PRMT1: variants seen among roughly 807,000 people sequenced by gnomAD.
PRMT1 encodes protein arginine N-methyltransferase 1.
Under a neutral mutation model 47.4 loss-of-function variants are expected in PRMT1, and 5 were observed. That is an observed-to-expected ratio of 0.11 (90% CI 0.06 to 0.22). PRMT1 has a LOEUF of 0.22. PRMT1 is among the 10% of genes least tolerant of loss of function. The pLI, the probability that PRMT1 is intolerant of heterozygous loss-of-function variation, is 1.00. For missense variants in PRMT1, 249 were observed against 518.4 expected, an observed-to-expected ratio of 0.48 and a Z score of 5.05; for synonymous variants, 227 against 204.6, an observed-to-expected ratio of 1.11 and a Z score of -0.94.
chr19:49,681,935 C>T lies in PRMT1; in HGVS notation c.218C>T (p.Thr73Ile). Residue 73 changes from threonine to isoleucine, a missense_variant, in exon 4 of 11, where the codon ACC becomes ATC. By Grantham distance (89) the Thr-to-Ile change is moderately conservative (BLOSUM62 -1). Around this residue, in one of 2 missense-constraint regions of PRMT1, gnomAD observed 190 missense variants for 456.7 expected, o/e 0.42. Transcript: ENST00000454376. This position sits in a 1 kb window ranked among gnomAD's most constrained non-coding sequence, Gnocchi z 4.4. ...GAGATGCTGAAGGACGAGGTGCGCA[C>T]CCTCACTTACCGCAACTCCATGTTT... ...HEEMLKDEVR[T>I]LTYRNSMFHN... 6.2e-7 allele frequency: 1 copy of T among 1,614,124 alleles called. No homozygotes were observed. The highest frequency in any genetic ancestry group is 8.5e-7 in the Non-Finnish European group (1 of 1,180,018).
chr19:49,683,867 G>T, intron 5 of PRMT1, 60 bp from the exon 6 acceptor site: 1 of 1,571,966 alleles, frequency 6.4e-7, no homozygotes, highest in Non-Finnish European at 8.6e-7. Context: ...GCCCCCGGGG[G>T]AGGTGAGGTG....
Position 49,685,261 on chromosome 19 carries a change from G to T in PRMT1, c.759+224G>T. The T allele has an allele frequency of 6.8e-7, 1 of 1,464,320 alleles. No individual in the cohort carries two copies. Among genetic ancestry groups the T allele is most frequent in the Non-Finnish European group, 9.0e-7 (1 of 1,107,412 alleles). The allele number at this position is 1,464,320 out of a possible 1,614,324, so 90.7% of individuals were successfully genotyped here. Reference sequence around the variant, plus strand: ...CCATGCTTGGCACTTGGCTTCTGGCGGAGGAAACACCCAAAGCTGGCAGCT... The same window carrying T: ...CCATGCTTGGCACTTGGCTTCTGGCTGAGGAAACACCCAAAGCTGGCAGCT... On this transcript the variant is annotated intron_variant, in intron 8 of 10. Transcript: ENST00000454376. This position sits in a 1 kb window ranked among gnomAD's most constrained non-coding sequence, Gnocchi z 4.7.
At chr19:49,679,790 G>A (rs1260354830) in intron 1 of PRMT1, 82 bp from the exon 2 acceptor site, 19 of 806,294 alleles carry the variant, frequency 2.4e-5, no homozygotes, top group Middle Eastern at 2.7e-4. Context: ...CCCACCCCCC[G>A]GCCAGAGCCC....
chr19:49,685,058 A>C lies in PRMT1; in HGVS notation c.759+21A>C, dbSNP rs534347741. On this transcript the variant is annotated intron_variant, in intron 8 of 10. Coordinates refer to ENST00000454376, the MANE Select transcript of PRMT1 (RefSeq NM_001536.6). This position sits in a 1 kb window ranked among gnomAD's most constrained non-coding sequence, Gnocchi z 4.7. ...TAAAGGTGAGGGGGTGGGCATGGCC[A>C]GGTGCCCCCTGGGTTGAAACCAAAG... 489 of 1,614,020 alleles carry C rather than the reference A, an allele frequency of 3.0e-4. 2 individuals carry two copies. Among genetic ancestry groups the C allele is most frequent in the South Asian group, 6.7e-4 (61 of 91,068 alleles).
At chr19:49,687,135 G>A (rs2082219828) in intron 10 of PRMT1, among the ~76,000 whole-genome samples, 1 of 152,144 alleles carries the variant, frequency 6.6e-6, no homozygotes, top group South Asian at 2.1e-4. Flanking sequence ...AGAGTGCACG[G>A]GGTTTTCTAG....
At position 49,684,217 on chromosome 19, in the gene PRMT1, C is replaced by T. The variant is rs2082169356; in HGVS notation, c.555+148C>T. Reference sequence around the variant, plus strand: ...AAGCCACAGCCCAAGCCAGGTGTGACAGACCCTGGAGGGAGATGGTGCGAT... The same window carrying T: ...AAGCCACAGCCCAAGCCAGGTGTGATAGACCCTGGAGGGAGATGGTGCGAT... On this transcript the variant is annotated intron_variant, in intron 6 of 10. Transcript: ENST00000454376. This position sits in a 1 kb window ranked among gnomAD's most constrained non-coding sequence, Gnocchi z 6.2. 2.6e-6 allele frequency: 3 copies of T among 1,158,806 alleles called. No homozygotes were observed. Among genetic ancestry groups the T allele is most frequent in the Non-Finnish European group, 3.7e-6 (3 of 816,016 alleles). The allele number at this position is 1,158,806 out of a possible 1,614,324, so 71.8% of individuals were successfully genotyped here.
At position 49,680,228 on chromosome 19, in the gene PRMT1, C is replaced by A; in HGVS notation, c.91-259C>A. On this transcript the variant is annotated intron_variant, in intron 2 of 10. Coordinates refer to ENST00000454376, the MANE Select transcript of PRMT1 (RefSeq NM_001536.6). This position sits in a 1 kb window ranked among gnomAD's most constrained non-coding sequence, Gnocchi z 4.2. The stretch of plus-strand genomic sequence containing the variant: ...TGAGCTAGAGACGGGGTCAGAGAGA[C>A]TGGAGAGATGGTAGGCGTGGCTGAG... 6.3e-7 allele frequency: 1 copy of A among 1,594,162 alleles called. No individual in the cohort carries two copies. Among genetic ancestry groups the A allele is most frequent in the South Asian group, 1.1e-5 (1 of 89,642 alleles).
In PRMT1 at chr19:49,686,279, G is replaced by A. The variant is rs755285114; in HGVS notation, c.910+36G>A. On this transcript the variant is annotated intron_variant, in intron 9 of 10. Coordinates refer to ENST00000454376, the MANE Select transcript of PRMT1 (RefSeq NM_001536.6). ...GCCCACAGGGCTGGGGGCCGTTCCC[G>A]AGCCAGGGCGGAGGCGCACCCACGT... is the stretch of plus-strand genomic sequence containing the variant. 14 of 1,555,724 alleles carry A rather than the reference G, an allele frequency of 9.0e-6. 1 individual carries two copies. The highest frequency in any genetic ancestry group is 6.8e-5 in the African/African-American group (5 of 73,254).
chr19:49,688,203 G>C lies in PRMT1; in HGVS notation c.1074G>C (p.Gln358His). The change falls in exon 11 of 11, where the codon CAG (glutamine) becomes CAC (histidine). Residue 358 changes from glutamine to histidine, a missense_variant. By Grantham distance (24) the Gln-to-His change is conservative. Coordinates refer to ENST00000454376, the MANE Select transcript of PRMT1 (RefSeq NM_001536.6). The surrounding 1 kb of genome is among the most constrained non-coding windows in gnomAD (Gnocchi z 5.3). Reference sequence around the variant, plus strand: ...CCATCGACCTGGACTTCAAGGGCCAGCTGTGCGAGCTGTCCTGCTCCACCG... The same window carrying C: ...CCATCGACCTGGACTTCAAGGGCCACCTGTGCGAGCTGTCCTGCTCCACCG... ...DFTIDLDFKG[Q>H]LCELSCSTDY... 6.2e-7 allele frequency: 1 copy of C among 1,614,026 alleles called. No homozygotes were observed. The highest frequency in any genetic ancestry group is 8.5e-7 in the Non-Finnish European group (1 of 1,179,948).
At position 49,681,878 on chromosome 19, in the gene PRMT1, C is replaced by T. The variant is rs750220873; in HGVS notation, c.193-32C>T. On this transcript the variant is annotated intron_variant, in intron 3 of 10. Coordinates refer to ENST00000454376, the MANE Select transcript of PRMT1 (RefSeq NM_001536.6). The surrounding 1 kb of genome is among the most constrained non-coding windows in gnomAD (Gnocchi z 4.4). ...TTCTCCAGCTGGGGATATGGGGCCC[C>T]TCACGGCGTCTCTGTGCCATTCTTG... 1.6e-5 allele frequency: 25 copies of T among 1,594,598 alleles called. No homozygotes were observed. The highest frequency in any genetic ancestry group is 2.1e-5 in the Non-Finnish European group (24 of 1,166,716).
chr19:49,686,789 G>GCGCC (rs2082213246), intron 10 of PRMT1, 63 bp downstream of exon 10: 1 of 792,690 alleles, frequency 1.3e-6, no homozygotes, highest in Non-Finnish European at 1.8e-6. Flanking sequence ...GATTGGGGGG[G>GCGCC]GAGTGGTGGG....
In PRMT1 at chr19:49,681,855, C is replaced by T; in HGVS notation, c.193-55C>T. On this transcript the variant is annotated intron_variant, in intron 3 of 10. Transcript: ENST00000454376. This position sits in a 1 kb window ranked among gnomAD's most constrained non-coding sequence, Gnocchi z 4.4. Reference sequence around the variant, plus strand: ...CTCCGAGCTCTCAGGACACGCTGTTCTCCAGCTGGGGATATGGGGCCCCTC... The same window carrying T: ...CTCCGAGCTCTCAGGACACGCTGTTTTCCAGCTGGGGATATGGGGCCCCTC... 1.9e-6 allele frequency: 3 copies of T among 1,572,440 alleles called. 1 individual carries two copies. In the South Asian group the frequency reaches 3.5e-5, roughly 18 times the overall value.
At chr19:49,679,597 T>G in intron 1 of PRMT1, 1 of 691,110 alleles carries the variant, frequency 1.4e-6, no homozygotes, top group Non-Finnish European at 2.7e-6. Context: ...GGGGGAGGTG[T>G]GTGGTCAGCT....
Position 49,685,942 on chromosome 19 carries a change from G to A in PRMT1, c.760-151G>A. 2.8e-6 allele frequency: 4 copies of A among 1,453,012 alleles called. No individual in the cohort carries two copies. The South Asian group carries it at 4.3e-5, about 16-fold the overall frequency. 90.0% of individuals were successfully genotyped at this position (1,453,012 alleles called of 1,614,324 possible). On this transcript the variant is annotated intron_variant, in intron 8 of 10. Transcript: ENST00000454376. The surrounding 1 kb of genome is among the most constrained non-coding windows in gnomAD (Gnocchi z 4.7). ...GGGAGCCGGATAGGCAGGATGCAGA[G>A]TGAAGGAGGAGCCGAGGCTGGGTGC... is the stretch of plus-strand genomic sequence containing the variant.
Position 49,681,154 on chromosome 19 carries a change from A to G in PRMT1, c.192+566A>G, listed in dbSNP as rs1475568032. 1.3e-5 allele frequency among the ~76,000 whole-genome samples: 2 copies of G among 152,108 alleles called. No homozygotes were observed. Among genetic ancestry groups the G allele is most frequent in the African/African-American group, 4.8e-5 (2 of 41,426 alleles). On this transcript the variant is annotated intron_variant, in intron 3 of 10. Transcript: ENST00000454376. This position sits in a 1 kb window ranked among gnomAD's most constrained non-coding sequence, Gnocchi z 4.4. ...AGCCTCGACCTCCCCGGCTCAGGTGATCCCCCCACTTCCACTTTCGGAGTA... is the reference window on the plus strand; with the variant it reads ...AGCCTCGACCTCCCCGGCTCAGGTGGTCCCCCCACTTCCACTTTCGGAGTA...
chr19:49,676,847 G>C (rs1038564665), upstream of PRMT1, among the ~76,000 whole-genome samples: 4 of 152,214 alleles, frequency 2.6e-5, no homozygotes, highest in African/African-American at 7.2e-5. Context: ...CGTCGCTTCC[G>C]GATAAACCAA....
intron 10 of PRMT1, among the ~76,000 whole-genome samples, chr19:49,687,641 AC>A (rs1259691447): frequency 2.6e-5 from 4 of 151,618 alleles, no homozygotes; most frequent in African/African-American, 9.7e-5. Context: ...CCACAGGACC[AC>A]CCCCTACAAA....
At chr19:49,682,137 G>A in intron 4 of PRMT1, 59 bp from the exon 5 acceptor site, 1 of 1,613,770 alleles carries the variant, frequency 6.2e-7, no homozygotes, top group Non-Finnish European at 8.5e-7. Flanking sequence ...CTCAGGGATT[G>A]GATGGAGGTG....
At chr19:49,682,386 T>A in intron 5 of PRMT1, 127 bp downstream of exon 5, 11 of 1,022,166 alleles carry the variant, frequency 1.1e-5, no homozygotes, top group Admixed American at 2.4e-5. Flanking sequence ...CCATGGTCTT[T>A]TGGGCTGCCG....
Sources: gnomAD v4.1 joint callset for allele counts (sites outside exome capture counted in the v4.1 genomes callset) on GRCh38, gnomAD v4.1.1 for gene constraint, gnomAD v4.1.1 regional missense constraint, Gnocchi (gnomAD v3.1) non-coding constraint, MANE v1.5 for transcripts, NCBI Gene and HGNC (gene_info 2026-07-23, HGNC 2026-07-21) for gene names.